Variants in SEC14L1 observed in about 807,000 individuals in gnomAD.
SEC14L1 encodes SEC14-like protein 1.
A neutral mutation model predicts 85.3 loss-of-function variants in SEC14L1; 48 were observed. The observed-to-expected ratio is 0.56, with a 90% confidence interval of 0.45 to 0.72. The LOEUF is 0.72. Among genes scored for constraint, SEC14L1 ranks in the 30% least tolerant of loss-of-function variants. The pLI, the probability that SEC14L1 is intolerant of heterozygous loss-of-function variation, is 0.00. For synonymous variants in SEC14L1, 391 were observed against 355.5 expected (o/e 1.10, Z -1.12); for missense variants, 682 against 921.4 (o/e 0.74, Z 3.36).
chr17:77,092,951 CAAAAAAAAA>C (rs35244244), intron 2 of SEC14L1, among the ~76,000 whole-genome samples: 3 of 84,462 alleles, frequency 3.6e-5, no homozygotes, highest in Non-Finnish European at 7.0e-5. Flanking sequence ...AACTCCGTCT[CAAAAAAAAA>C]AAAAAAAAAA....
intron 3 of SEC14L1, among the ~76,000 whole-genome samples, chr17:77,096,537 A>G (rs925081915): frequency 3.4e-5 from 5 of 145,816 alleles, no homozygotes; most frequent in African/African-American, 1.3e-4. Flanking sequence ...AGCCTGGGTG[A>G]CAGTGAGACT....
At chr17:77,093,079 G>A (rs933351980) in intron 2 of SEC14L1, among the ~76,000 whole-genome samples, 1 of 152,148 alleles carries the variant, frequency 6.6e-6, no homozygotes, top group African/African-American at 2.4e-5. Flanking sequence ...AGGGGTGGCT[G>A]GGGGCCCATT....
chr17:77,187,848 G>A (rs1640853664), intron 3 of SEC14L1, among the ~76,000 whole-genome samples: 1 of 151,252 alleles, frequency 6.6e-6, no homozygotes, highest in African/African-American at 2.4e-5. Flanking sequence ...GGGCTCAGGT[G>A]GTCCTCCCAT....
chr17:77,133,983 G>T (rs1011130840), intron 3 of SEC14L1, among the ~76,000 whole-genome samples: 3 of 149,666 alleles, frequency 2.0e-5, no homozygotes, highest in Non-Finnish European at 4.4e-5. Context: ...GCACAGTCAC[G>T]GTGTTTCAGA....
chr17:77,156,431 T>C (rs574996678), intron 3 of SEC14L1, among the ~76,000 whole-genome samples: 155 of 152,126 alleles, frequency 1.0e-3, no homozygotes, highest in African/African-American at 3.6e-3. Context: ...AAAAATTAGC[T>C]GGGCGTGGTG....
chr17:77,191,669 A>G (rs565975900), intron 5 of SEC14L1, among the ~76,000 whole-genome samples: 1 of 152,062 alleles, frequency 6.6e-6, no homozygotes, highest in Admixed American at 6.5e-5. Context: ...CAGCCTCCCT[A>G]GTAGTTCGGA....
intron 9 of SEC14L1, 79 bp from the exon 10 acceptor site, chr17:77,203,491 C>A: frequency 8.1e-7 from 1 of 1,241,906 alleles, no homozygotes; most frequent in Non-Finnish European, 1.2e-6. Context: ...AACACATATT[C>A]CTGTTAAGGG....
In SEC14L1 at chr17:77,214,576, G is replaced by A. The variant is rs116482136; in HGVS notation, c.*553G>A. On this transcript the variant is annotated 3_prime_UTR_variant, in exon 17 of 17. Coordinates refer to ENST00000436233, the MANE Select transcript of SEC14L1 (RefSeq NM_001143998.2). ...CTCTGAGGATTCAGAGGTTGCCTGC[G>A]GAGTACCTTGTCCCAGGGCCAGACA... 12 of 988,920 alleles carry A rather than the reference G, an allele frequency of 1.2e-5. No homozygotes were observed. The highest frequency in any genetic ancestry group is 7.0e-5 in the African/African-American group (4 of 57,382). The allele number at this position is 988,920 out of a possible 1,614,324, so 61.3% of individuals were successfully genotyped here.
chr17:77,175,490 A>G (rs183461528), intron 3 of SEC14L1, among the ~76,000 whole-genome samples: 3 of 152,346 alleles, frequency 2.0e-5, no homozygotes, highest in Non-Finnish European at 4.4e-5. Context: ...TTGCTATGCA[A>G]CCCAGATGTC....
chr17:77,212,515 TTG>T lies in SEC14L1; in HGVS notation c.1863+318_1863+319del, dbSNP rs373319938. On this transcript the variant is annotated intron_variant, in intron 15 of 16. Transcript: ENST00000436233. ...TTCCCCCCCGCCTCATTTCACCGGG[TTG>T]TGTTTGTCTTTTTCAAAGGAAAATC... Among the ~76,000 whole-genome samples, 427 of 152,234 alleles carry T rather than the reference TTG, an allele frequency of 2.8e-3. 2 individuals are homozygous for T. The highest frequency in any genetic ancestry group is 0.01 in the African/African-American group (417 of 41,520).
Position 77,214,617 on chromosome 17 carries a change from C to T in SEC14L1, c.*594C>T. ...GGGCCAGACACACCCACACCACCCA[C>T]TGTCCTGCAGTGGGGCCGGGGGCTC... On this transcript the variant is annotated 3_prime_UTR_variant, in exon 17 of 17. Coordinates refer to ENST00000436233, the MANE Select transcript of SEC14L1 (RefSeq NM_001143998.2). 1.0e-6 allele frequency: 1 copy of T among 986,754 alleles called. No homozygotes were observed. Among genetic ancestry groups the T allele is most frequent in the Non-Finnish European group, 1.2e-6 (1 of 830,888 alleles). The allele number at this position is 986,754 out of a possible 1,614,324, so 61.1% of individuals were successfully genotyped here. A position where few individuals can be genotyped will look rare whatever the true frequency, so the allele number is the denominator to read the frequency against.
chr17:77,127,435 G>T (rs1242047436), intron 3 of SEC14L1, among the ~76,000 whole-genome samples: 1 of 151,804 alleles, frequency 6.6e-6, no homozygotes, highest in Non-Finnish European at 1.5e-5. Context: ...CTGCAACCTC[G>T]GCCCCTTGGG....
In SEC14L1 at chr17:77,196,230, A is replaced by G. The variant is rs73998660; in HGVS notation, c.738A>G (p.Arg246=). 5,174 of 1,614,038 alleles carry G rather than the reference A, an allele frequency of 3.2e-3. 154 individuals carry two copies. In the African/African-American group the frequency reaches 0.06, roughly 19 times the overall value. ...DDKLDADYIK[R]YLGDLTPLQE... is the part of the protein sequence containing the mutation. The stretch of plus-strand genomic sequence containing the variant: ...AACTAGATGCCGACTACATCAAGAG[A>G]TACCTGGGCGATTTGACTCCGCTGC... The change falls in exon 8 of 17, where the codon AGA becomes AGG. Residue 246 remains arginine, a synonymous_variant. Transcript: ENST00000436233.
At chr17:77,098,052 G>T (rs1313947496) in intron 3 of SEC14L1, among the ~76,000 whole-genome samples, 2 of 152,156 alleles carry the variant, frequency 1.3e-5, no homozygotes, top group African/African-American at 4.8e-5. Context: ...TGAGAGGGCT[G>T]GGGGGCTGAG....
intron 7 of SEC14L1, 150 bp from the exon 8 acceptor site, chr17:77,196,052 T>C: frequency 1.6e-6 from 1 of 620,974 alleles, no homozygotes; most frequent in Non-Finnish European, 2.9e-6. Flanking sequence ...CCTCAAGTCC[T>C]CTAAGGAATC....
At chr17:77,110,515 T>C (rs1252509313) in intron 3 of SEC14L1, among the ~76,000 whole-genome samples, 1 of 152,078 alleles carries the variant, frequency 6.6e-6, no homozygotes, top group Non-Finnish European at 1.5e-5. Context: ...CATTTGCCCA[T>C]GGTGGTCAGG....
intron 9 of SEC14L1, among the ~76,000 whole-genome samples, chr17:77,201,385 G>A (rs1239537179): frequency 6.6e-6 from 1 of 151,884 alleles, no homozygotes; most frequent in East Asian, 1.9e-4. Context: ...GCTCAGCTTT[G>A]TCTGTGATTA....
intron 3 of SEC14L1, among the ~76,000 whole-genome samples, 162 bp from the exon 4 acceptor site, chr17:77,190,641 G>C (rs1426655855): frequency 6.6e-6 from 1 of 152,236 alleles, no homozygotes; most frequent in Non-Finnish European, 1.5e-5. Flanking sequence ...TGGACATGGA[G>C]TGTCTTTTTC....
chr17:77,133,710 G>A (rs1394196447), intron 3 of SEC14L1, among the ~76,000 whole-genome samples: 6 of 152,148 alleles, frequency 3.9e-5, no homozygotes, highest in South Asian at 4.2e-4. Flanking sequence ...AGGCCGAGGC[G>A]GGTGGATCAC....
Sources: allele counts gnomAD v4.1 joint callset (sites outside exome capture counted in the v4.1 genomes callset), GRCh38; gene constraint gnomAD v4.1.1; transcripts MANE v1.5; gene names NCBI Gene and HGNC (gene_info 2026-07-23, HGNC 2026-07-21).